Variants in CFAP54 observed in about 807,000 individuals in gnomAD.
CFAP54 encodes cilia- and flagella-associated protein 54.
In CFAP54, 290 loss-of-function variants were observed where a neutral mutation model predicts 370.4. That is an observed-to-expected ratio of 0.78 (90% CI 0.71 to 0.86). The LOEUF (loss-of-function observed/expected upper bound fraction) is 0.86, where lower values mean the gene tolerates loss of function less well. CFAP54 is among the 40% of genes least tolerant of loss of function. The pLI is 0.00. For missense variants in CFAP54, 3,399 were observed against 3,528.7 expected, an observed-to-expected ratio of 0.96 and a Z score of 0.93; for synonymous variants, 1,206 against 1,236.5, an observed-to-expected ratio of 0.98 and a Z score of 0.52.
At chr12:96,823,284 A>G (rs1959053302) in intron 65 of CFAP54, among the ~76,000 whole-genome samples, 1 of 152,164 alleles carries the variant, frequency 6.6e-6, no homozygotes, top group Non-Finnish European at 1.5e-5. Context: ...TAGTTAGGCA[A>G]TTAGCTGATG....
At chr12:96,518,652 C>T (rs151299978) in intron 5 of CFAP54, among the ~76,000 whole-genome samples, 2,570 of 152,300 alleles carry the variant, frequency 0.017, 77 homozygotes, top group African/African-American at 0.058. Flanking sequence ...TGCCATTGCA[C>T]TCCAGCCTGG....
In CFAP54 at chr12:96,651,808, C is replaced by T. The variant is rs752784943; in HGVS notation, c.5093C>T (p.Ser1698Phe). ...TTAATACAACTACAAAATACCAGTT[C>T]TATTAAGGTAAAGACACTTTGGTAA... Reference protein sequence around the residue: ...DMLIQLQNTSSIKPIEDKGEF... With the variant: ...DMLIQLQNTSFIKPIEDKGEF... Residue 1698 changes from serine (S) to phenylalanine (F), a missense_variant, in exon 36 of 68, where the codon TCT becomes TTT. By Grantham distance (155) the Ser-to-Phe change is radical. Transcript: ENST00000524981. 4 of 1,567,648 alleles carry T rather than the reference C, an allele frequency of 2.6e-6. No homozygotes were observed. The highest frequency in any genetic ancestry group is 3.5e-6 in the Non-Finnish European group (4 of 1,138,726).
chr12:96,867,758 G>A (rs1960042468), intron 67 of CFAP54, among the ~76,000 whole-genome samples: 1 of 152,168 alleles, frequency 6.6e-6, no homozygotes, highest in Non-Finnish European at 1.5e-5. Context: ...AGGAGGGGCT[G>A]TTGAGGAGAT....
At chr12:96,591,907 AAT>A (rs777689851) in intron 23 of CFAP54, among the ~76,000 whole-genome samples, 12,972 of 137,514 alleles carry the variant, frequency 0.094, 772 homozygotes, top group Non-Finnish European at 0.14. Flanking sequence ...AAAAAAAAGA[AAT>A]ATTTTTTTTT....
chr12:96,525,935 C>T (rs139163205), intron 8 of CFAP54, among the ~76,000 whole-genome samples: 3,186 of 152,300 alleles, frequency 0.021, 86 homozygotes, highest in East Asian at 0.14. Flanking sequence ...GTGATCCACC[C>T]GGCCTCCCAA....
intron 5 of CFAP54, among the ~76,000 whole-genome samples, chr12:96,514,119 C>T (rs925607360): frequency 5.9e-5 from 9 of 152,128 alleles, no homozygotes; most frequent in Non-Finnish European, 1.2e-4. Flanking sequence ...AATATACTCC[C>T]GTTGAGACCC....
intron 40 of CFAP54, among the ~76,000 whole-genome samples, chr12:96,681,635 G>A (rs1198950889): frequency 2.6e-5 from 4 of 151,590 alleles, no homozygotes; most frequent in Non-Finnish European, 5.9e-5. Flanking sequence ...GCGTGATCTT[G>A]GCTTACTGCA....
Position 96,679,590 on chromosome 12 carries a change from T to C in CFAP54, c.5564-10T>C. 2 of 1,605,512 alleles carry C rather than the reference T, an allele frequency of 1.2e-6. No homozygotes were observed. The highest frequency in any genetic ancestry group is 1.7e-6 in the Non-Finnish European group (2 of 1,175,896). ...TTCATCCCCAATATTCCGCTTTTCTTTCCTTTCAGAATACAGCCGAGCCAA... is the reference window on the plus strand; with the variant it reads ...TTCATCCCCAATATTCCGCTTTTCTCTCCTTTCAGAATACAGCCGAGCCAA... On this transcript the variant is annotated splice_polypyrimidine_tract_variant and intron_variant, in intron 39 of 67. Coordinates refer to ENST00000524981, the MANE Select transcript of CFAP54 (RefSeq NM_001306084.2).
At chr12:96,736,981 A>G (rs1418644941) in intron 50 of CFAP54, among the ~76,000 whole-genome samples, 2 of 152,208 alleles carry the variant, frequency 1.3e-5, no homozygotes, top group African/African-American at 2.4e-5. Context: ...GACTTGGATC[A>G]AGTTATTTAA....
chr12:96,528,346 G>A (rs1428961077), intron 9 of CFAP54, among the ~76,000 whole-genome samples: 1 of 152,026 alleles, frequency 6.6e-6, no homozygotes, highest in African/African-American at 2.4e-5. Flanking sequence ...TTCTATTAAT[G>A]TGGTTGATTT....
At chr12:96,697,855 C>A (rs1433142298) in intron 45 of CFAP54, among the ~76,000 whole-genome samples, 1 of 152,192 alleles carries the variant, frequency 6.6e-6, no homozygotes, top group African/African-American at 2.4e-5. Context: ...GAATAACATG[C>A]AAAATCCCTA....
intron 47 of CFAP54, among the ~76,000 whole-genome samples, chr12:96,706,082 C>A (rs967913226): frequency 3.9e-5 from 6 of 152,056 alleles, no homozygotes; most frequent in Non-Finnish European, 8.8e-5. Context: ...TGCCAATCAG[C>A]ATTAGTTCTG....
intron 26 of CFAP54, among the ~76,000 whole-genome samples, chr12:96,619,801 T>C (rs533347736): frequency 2.3e-4 from 35 of 152,320 alleles, no homozygotes; most frequent in Middle Eastern, 3.4e-3. Context: ...TTAGCTCAAT[T>C]CTATTTCCTT....
At chr12:96,845,352 C>T (rs1164266188) in intron 66 of CFAP54, among the ~76,000 whole-genome samples, 2 of 152,184 alleles carry the variant, frequency 1.3e-5, no homozygotes, top group African/African-American at 2.4e-5. Flanking sequence ...TGTCGTGGCT[C>T]CTGCATTGAG....
intron 61 of CFAP54, among the ~76,000 whole-genome samples, chr12:96,786,057 T>A (rs78694961): frequency 6.6e-6 from 1 of 152,214 alleles, no homozygotes; most frequent in Admixed American, 6.5e-5. Context: ...ACTTTTCAAA[T>A]AAACTGTCTA....
intron 66 of CFAP54, among the ~76,000 whole-genome samples, chr12:96,829,914 T>C (rs1403337041): frequency 6.6e-6 from 1 of 152,136 alleles, no homozygotes; most frequent in East Asian, 1.9e-4. Context: ...GTAACCTCTA[T>C]TCTACTTTCT....
chr12:96,548,241 ACCT>A (rs942260629), intron 15 of CFAP54, among the ~76,000 whole-genome samples: 1 of 151,758 alleles, frequency 6.6e-6, no homozygotes, highest in African/African-American at 2.4e-5. Flanking sequence ...GATAAAACTC[ACCT>A]CCTCTGCTAC....
intron 30 of CFAP54, among the ~76,000 whole-genome samples, chr12:96,628,828 C>A (rs1246451895): frequency 6.6e-6 from 1 of 151,912 alleles, no homozygotes; most frequent in African/African-American, 2.4e-5. Flanking sequence ...ATTAGCCTTG[C>A]ATTAATAAGA....
chr12:96,505,271 T>A (rs1955086645), intron 3 of CFAP54, among the ~76,000 whole-genome samples: 1 of 150,958 alleles, frequency 6.6e-6, no homozygotes, highest in Non-Finnish European at 1.5e-5. Flanking sequence ...ACCATGTCGG[T>A]CAGGGTGGTC....
Sources: gnomAD v4.1 joint callset for allele counts (sites outside exome capture counted in the v4.1 genomes callset) on GRCh38, gnomAD v4.1.1 for gene constraint, MANE v1.5 for transcripts, NCBI Gene and HGNC (gene_info 2026-07-23, HGNC 2026-07-21) for gene names.